SPATS2L: variants seen among roughly 807,000 people sequenced by gnomAD.
SPATS2L encodes SPATS2-like protein.
A neutral mutation model predicts 59.6 loss-of-function variants in SPATS2L; 30 were observed. That is an observed-to-expected ratio of 0.50 (90% CI 0.38 to 0.68). SPATS2L has a LOEUF of 0.68. SPATS2L is among the 30% of genes least tolerant of loss of function. The pLI, the probability that SPATS2L is intolerant of heterozygous loss-of-function variation, is 0.00. For synonymous variants in SPATS2L, 252 were observed against 263.5 expected, an observed-to-expected ratio of 0.96 and a Z score of 0.42; for missense variants, 615 against 700.0, an observed-to-expected ratio of 0.88 and a Z score of 1.37.
chr2:200,380,495 C>G (rs1291802839), intron 2 of SPATS2L, among the ~76,000 whole-genome samples: 1 of 152,236 alleles, frequency 6.6e-6, no homozygotes, highest in Non-Finnish European at 1.5e-5. Context: ...TGCCCTAGAT[C>G]TGCTCAAGTG....
At chr2:200,346,289 G>C (rs2080509418) in intron 2 of SPATS2L, among the ~76,000 whole-genome samples, 1 of 152,182 alleles carries the variant, frequency 6.6e-6, no homozygotes, top group Admixed American at 6.5e-5. Context: ...TTTTGATCCT[G>C]GCTCTGCTGT....
intron 1 of SPATS2L, among the ~76,000 whole-genome samples, chr2:200,313,834 A>T (rs2079273394): frequency 6.6e-6 from 1 of 152,080 alleles, no homozygotes; most frequent in African/African-American, 2.4e-5. Flanking sequence ...CATTTCTTGA[A>T]CTTTGCACAA....
chr2:200,328,441 T>C (rs3769473), intron 1 of SPATS2L, among the ~76,000 whole-genome samples: 17,085 of 152,180 alleles, frequency 0.11, 995 homozygotes, highest in Non-Finnish European at 0.13. Flanking sequence ...AGTTGTAAAG[T>C]AGAATCTCAG....
chr2:200,440,425 G>A (rs1053615385), intron 7 of SPATS2L, among the ~76,000 whole-genome samples: 2 of 152,170 alleles, frequency 1.3e-5, no homozygotes, highest in African/African-American at 4.8e-5. Context: ...GGAGACAAGC[G>A]TACCCCAGAT....
At chr2:200,435,413 T>A (rs1296009408) in intron 6 of SPATS2L, among the ~76,000 whole-genome samples, 2 of 152,136 alleles carry the variant, frequency 1.3e-5, no homozygotes, top group South Asian at 2.1e-4. Flanking sequence ...AGATGGTGTG[T>A]TTCCAGAGAT....
At chr2:200,406,408 TTA>T (rs2082689063) in intron 3 of SPATS2L, among the ~76,000 whole-genome samples, 1 of 148,668 alleles carries the variant, frequency 6.7e-6, no homozygotes, top group African/African-American at 2.5e-5. Context: ...TAGCACAAGT[TTA>T]AAAAAAAAAA....
At chr2:200,403,800 A>G (rs1043282453) in intron 3 of SPATS2L, among the ~76,000 whole-genome samples, 2 of 150,222 alleles carry the variant, frequency 1.3e-5, no homozygotes, top group Non-Finnish European at 2.9e-5. Flanking sequence ...GTCCAGCACC[A>G]TGGACCCACA....
At chr2:200,331,105 G>A (rs1189517992) in intron 2 of SPATS2L, among the ~76,000 whole-genome samples, 1 of 152,200 alleles carries the variant, frequency 6.6e-6, no homozygotes, top group Non-Finnish European at 1.5e-5. Flanking sequence ...CAGCAGTTAT[G>A]AAAGACTAGG....
At chr2:200,370,529 A>G (rs2081395464) in intron 2 of SPATS2L, among the ~76,000 whole-genome samples, 2 of 152,228 alleles carry the variant, frequency 1.3e-5, no homozygotes, top group African/African-American at 4.8e-5. Flanking sequence ...ACTCTGTTCT[A>G]TTCCAGATCT....
chr2:200,464,818 A>G (rs1159213072), intron 9 of SPATS2L, among the ~76,000 whole-genome samples: 1 of 152,180 alleles, frequency 6.6e-6, no homozygotes, highest in Non-Finnish European at 1.5e-5. Context: ...CAAGAAGAAC[A>G]TACCTCATTT....
At chr2:200,342,255 G>C (rs1054700082) in intron 2 of SPATS2L, among the ~76,000 whole-genome samples, 1 of 152,216 alleles carries the variant, frequency 6.6e-6, no homozygotes, top group African/African-American at 2.4e-5. Flanking sequence ...CAGTGGAAGA[G>C]AGGTAGAAAG....
chr2:200,333,463 G>A (rs927010878), intron 2 of SPATS2L, among the ~76,000 whole-genome samples: 1 of 151,182 alleles, frequency 6.6e-6, no homozygotes, highest in Non-Finnish European at 1.5e-5. Context: ...GGGAGTTTGG[G>A]GTACAAGGGT....
intron 9 of SPATS2L, among the ~76,000 whole-genome samples, chr2:200,466,581 C>T (rs1195295401): frequency 6.6e-6 from 1 of 152,230 alleles, no homozygotes; most frequent in Non-Finnish European, 1.5e-5. Flanking sequence ...CCAGTGTCTT[C>T]TCTACGTGTG....
intron 12 of SPATS2L, among the ~76,000 whole-genome samples, chr2:200,475,407 A>G (rs1012385358): frequency 2.0e-5 from 3 of 152,216 alleles, no homozygotes; most frequent in African/African-American, 4.8e-5. Flanking sequence ...TGTAAGGTGA[A>G]TATCAGTTCA....
chr2:200,386,075 G>A (rs1479443212), intron 2 of SPATS2L, among the ~76,000 whole-genome samples: 1 of 152,134 alleles, frequency 6.6e-6, no homozygotes, highest in Non-Finnish European at 1.5e-5. Flanking sequence ...CCTCTGTTAT[G>A]CACCAGCTAG....
chr2:200,332,771 C>CTTGTGTTT, intron 2 of SPATS2L, among the ~76,000 whole-genome samples: 1 of 81,854 alleles, frequency 1.2e-5, no homozygotes, highest in South Asian at 5.3e-4. Flanking sequence ...AAGTTAGCTG[C>CTTGTGTTT]CTGTGTGTGT....
rs565318727 is a variant in SPATS2L, at chr2:200,464,815, A to T, written c.848-2475A>T. 1.6e-4 allele frequency among the ~76,000 whole-genome samples: 25 copies of T among 152,266 alleles called. No homozygotes were observed. In the South Asian group the frequency reaches 3.7e-3, roughly 23 times the overall value. ...TTTTTTAATTTTAGTTTGCAAGAAG[A>T]ACATACCTCATTTCATCTTCCTACT... On this transcript the variant is annotated intron_variant, in intron 9 of 12. Transcript: ENST00000409140.
chr2:200,446,478 G>A (rs1041424267), intron 8 of SPATS2L, among the ~76,000 whole-genome samples: 4 of 152,162 alleles, frequency 2.6e-5, no homozygotes, highest in Non-Finnish European at 4.4e-5. Context: ...CATTGATTTG[G>A]AAATATTTTT....
At chr2:200,387,222 C>G (rs1302917015) in intron 2 of SPATS2L, among the ~76,000 whole-genome samples, 1 of 152,186 alleles carries the variant, frequency 6.6e-6, no homozygotes, top group Non-Finnish European at 1.5e-5. Context: ...CTTAGCCTTA[C>G]TTTCAATGGC....
Sources: allele counts gnomAD v4.1 joint callset (sites outside exome capture counted in the v4.1 genomes callset), GRCh38; gene constraint gnomAD v4.1.1; transcripts MANE v1.5; gene names NCBI Gene and HGNC (gene_info 2026-07-23, HGNC 2026-07-21).